RBPJ: variants seen among roughly 807,000 people sequenced by gnomAD.
The protein encoded by RBPJ is recombination signal binding protein for immunoglobulin kappa J region, also known as recombining binding protein suppressor of hairless.
In RBPJ, 9 loss-of-function variants were observed where a neutral mutation model predicts 67.8. That is an observed-to-expected ratio of 0.13 (90% CI 0.08 to 0.23). The LOEUF is 0.23. RBPJ is among the 10% of genes least tolerant of loss of function. The pLI, the probability that RBPJ is intolerant of heterozygous loss-of-function variation, is 1.00. For missense variants in RBPJ, 305 were observed against 595.6 expected (o/e 0.51, Z 5.08); for synonymous variants, 198 against 203.3 (o/e 0.97, Z 0.22).
chr4:26,234,893 A>G (rs2109210142), intron 1 of RBPJ, among the ~76,000 whole-genome samples: 1 of 152,066 alleles, frequency 6.6e-6, no homozygotes, highest in Admixed American at 6.6e-5. Flanking sequence ...GGGTTTCACC[A>G]TGTTGGCCAG....
intron 4 of RBPJ, among the ~76,000 whole-genome samples, chr4:26,416,083 G>A (rs957474903): frequency 3.3e-5 from 5 of 152,144 alleles, no homozygotes; most frequent in South Asian, 4.1e-4. Flanking sequence ...GATCATAAAC[G>A]TTTACTTGAC....
chr4:26,261,560 A>G (rs565895577), intron 1 of RBPJ, among the ~76,000 whole-genome samples: 2 of 152,314 alleles, frequency 1.3e-5, no homozygotes, highest in South Asian at 2.1e-4. Flanking sequence ...AATTATTCCA[A>G]ATGAAATCAG....
chr4:26,424,534 T>C lies in RBPJ; in HGVS notation c.634+55T>C. ...TTAGTGTGAAATTGTTAAAATCTTT[T>C]GATGAGATACATGGATATATTAAGT... On this transcript the variant is annotated intron_variant, in intron 6 of 10. Transcript: ENST00000355476. The surrounding 1 kb of genome is among the most constrained non-coding windows in gnomAD (Gnocchi z 5.3). 3.2e-6 allele frequency: 5 copies of C among 1,583,872 alleles called. No individual in the cohort carries two copies. The highest frequency in any genetic ancestry group is 4.3e-6 in the Non-Finnish European group (5 of 1,155,594).
chr4:26,415,001 C>G (rs910407498), intron 3 of RBPJ, among the ~76,000 whole-genome samples: 2 of 152,192 alleles, frequency 1.3e-5, no homozygotes, highest in Non-Finnish European at 2.9e-5. Flanking sequence ...GGACAATGCT[C>G]TAACACAATT....
intron 1 of RBPJ, among the ~76,000 whole-genome samples, chr4:26,330,109 A>G (rs569430720): frequency 1.3e-5 from 2 of 152,352 alleles, no homozygotes; most frequent in South Asian, 4.1e-4. Flanking sequence ...GTGAACAGAT[A>G]CAAGAGAACC....
the RBPJ span, among the ~76,000 whole-genome samples, chr4:26,140,013 T>G: frequency 1.3e-5 from 2 of 152,312 alleles, no homozygotes; most frequent in South Asian, 4.1e-4. Context: ...CCAGCCCCAC[T>G]ACACCCAAAT....
At chr4:26,128,291 C>T in the RBPJ span, among the ~76,000 whole-genome samples, 1 of 152,172 alleles carries the variant, frequency 6.6e-6, no homozygotes, top group African/African-American at 2.4e-5. Flanking sequence ...CCTCCAGGGG[C>T]ACTGAAAGTT....
rs777354663 is a variant in RBPJ at position 26,430,969 on chromosome 4, A to G, written c.1426A>G (p.Thr476Ala). The stretch of plus-strand genomic sequence containing the variant: ...TTACACAAACGCCAGCACAAATTCA[A>G]CCAGTGTCACATCATCTACAGCCAC... ...GSYTNASTNS[T>A]SVTSSTATVV... is the part of the protein sequence containing the mutation. Residue 476 changes from threonine to alanine, a missense_variant, in exon 11 of 11, where the codon ACC becomes GCC. Physicochemically the swap from Thr to Ala is moderately conservative, Grantham distance 58 (BLOSUM62 0). This residue lies in a region of RBPJ where 51 missense variants were observed against 52.8 expected (regional missense o/e 0.97). Coordinates refer to ENST00000355476, the MANE Select transcript of RBPJ (RefSeq NM_015874.6). The surrounding 1 kb of genome is among the most constrained non-coding windows in gnomAD (Gnocchi z 4.1). 3.7e-6 allele frequency: 6 copies of G among 1,613,990 alleles called. No homozygotes were observed. Among genetic ancestry groups the G allele is most frequent in the South Asian group, 1.1e-5 (1 of 91,084 alleles).
chr4:26,287,752 AAGGCAGGACAGAAGAACGC>A (rs1721530965), intron 1 of RBPJ, among the ~76,000 whole-genome samples: 1 of 148,648 alleles, frequency 6.7e-6, no homozygotes, highest in Non-Finnish European at 1.5e-5. Flanking sequence ...GGAAGGCAGG[AAGGCAGGACAGAAGAACGC>A]AGGCAGGCAG....
At chr4:26,393,222 A>C (rs1731721444) in intron 2 of RBPJ, among the ~76,000 whole-genome samples, 1 of 152,236 alleles carries the variant, frequency 6.6e-6, no homozygotes, top group Non-Finnish European at 1.5e-5. Flanking sequence ...TATTGAAGCT[A>C]AAATAAGGCA....
At chr4:26,246,643 C>T (rs1002873863) in intron 1 of RBPJ, among the ~76,000 whole-genome samples, 1 of 152,210 alleles carries the variant, frequency 6.6e-6, no homozygotes, top group South Asian at 2.1e-4. Flanking sequence ...AGCCTGCCAC[C>T]AGCAAATATG....
chr4:26,139,511 G>A, the RBPJ span, among the ~76,000 whole-genome samples: 1 of 152,234 alleles, frequency 6.6e-6, no homozygotes, highest in Non-Finnish European at 1.5e-5. Context: ...GCCAGTCACA[G>A]CCTGCAGCTC....
intron 1 of RBPJ, among the ~76,000 whole-genome samples, chr4:26,344,858 A>T (rs1338947309): frequency 2.0e-5 from 3 of 152,214 alleles, no homozygotes; most frequent in Non-Finnish European, 2.9e-5. Context: ...ATCATAATAG[A>T]TTCACATTCT....
chr4:26,158,945 TTCTCTCTCTCTCTCTCTC>T (rs5856933), upstream of RBPJ, among the ~76,000 whole-genome samples: 2 of 136,846 alleles, frequency 1.5e-5, no homozygotes, highest in Non-Finnish European at 3.1e-5. Context: ...CTCTCTCTCT[TTCTCTCTCTCTCTCTCTC>T]TCTCTCTCTC....
At chr4:26,116,931 C>T in the RBPJ span, among the ~76,000 whole-genome samples, 3 of 152,174 alleles carry the variant, frequency 2.0e-5, no homozygotes, top group South Asian at 2.1e-4. Context: ...TTGAGATGCA[C>T]GGGAACCTTT....
chr4:26,136,185 G>A, the RBPJ span, among the ~76,000 whole-genome samples: 1 of 152,162 alleles, frequency 6.6e-6, no homozygotes, highest in Non-Finnish European at 1.5e-5. Context: ...TTGACACATA[G>A]GGATTATTAC....
At chr4:26,168,658 T>C (rs1716421007) in intron 1 of RBPJ, among the ~76,000 whole-genome samples, 1 of 152,152 alleles carries the variant, frequency 6.6e-6, no homozygotes, top group Admixed American at 6.5e-5. Context: ...GATAATATCC[T>C]GCAGTGTTTT....
At chr4:26,331,587 G>T (rs1201287553) in intron 1 of RBPJ, among the ~76,000 whole-genome samples, 1 of 152,146 alleles carries the variant, frequency 6.6e-6, no homozygotes, top group African/African-American at 2.4e-5. Flanking sequence ...GAGCCTGCCT[G>T]CTCTTTCCTC....
intron 2 of RBPJ, among the ~76,000 whole-genome samples, chr4:26,403,946 T>G (rs1733113097): frequency 6.6e-6 from 1 of 152,212 alleles, no homozygotes; most frequent in Non-Finnish European, 1.5e-5. Flanking sequence ...TTTTAGCTCT[T>G]TGAGGAATCG....
Sources: allele counts gnomAD v4.1 joint callset (sites outside exome capture counted in the v4.1 genomes callset), GRCh38; gene constraint gnomAD v4.1.1; regional missense constraint gnomAD v4.1.1; non-coding constraint Gnocchi (gnomAD v3.1); transcripts MANE v1.5; gene names NCBI Gene and HGNC (gene_info 2026-07-23, HGNC 2026-07-21).